GPATCH8: variants seen among roughly 807,000 people sequenced by gnomAD.
GPATCH8 encodes the protein G patch domain-containing protein 8.
In GPATCH8, 18 loss-of-function variants were observed where a neutral mutation model predicts 118.3. The observed-to-expected ratio is 0.15, with a 90% CI of 0.11 to 0.23. The LOEUF (loss-of-function observed/expected upper bound fraction) is 0.23. Among genes scored for constraint, GPATCH8 ranks in the 10% least tolerant of loss-of-function variants. The pLI is 1.00. For synonymous variants in GPATCH8, 659 were observed against 684.7 expected (o/e 0.96, Z 0.59); for missense variants, 1,631 against 1,873.8 (o/e 0.87, Z 2.39).
chr17:44,425,448 T>G (rs905879179), intron 5 of GPATCH8, among the ~76,000 whole-genome samples: 1 of 152,234 alleles, frequency 6.6e-6, no homozygotes, highest in Non-Finnish European at 1.5e-5. Context: ...TTATTAAAAC[T>G]GAAAAGTGAG....
At position 44,397,100 on chromosome 17, in the gene GPATCH8, C is replaced by T; in HGVS notation, c.*468G>A. On this transcript the variant is annotated 3_prime_UTR_variant, in exon 8 of 8. Coordinates refer to ENST00000591680, the MANE Select transcript of GPATCH8 (RefSeq NM_001002909.4). ...TACTACCCCAAAATGGTGGCACTTC[C>T]ACCACTAGAACAGCTTGGCCTTCCC... The T allele has an allele frequency of 2.2e-6, 1 of 454,992 alleles. No homozygotes were observed. Among genetic ancestry groups the T allele is most frequent in the East Asian group, 6.9e-5 (1 of 14,400 alleles). The allele number at this position is 454,992 out of a possible 1,614,324, so 28.2% of individuals were successfully genotyped here.
chr17:44,473,091 T>G (rs1163307717), intron 2 of GPATCH8, among the ~76,000 whole-genome samples: 1 of 152,000 alleles, frequency 6.6e-6, no homozygotes, highest in Non-Finnish European at 1.5e-5. Flanking sequence ...AATTCTGCCT[T>G]GTCATAATCC....
chr17:44,485,329 G>A (rs1451527191), intron 1 of GPATCH8, among the ~76,000 whole-genome samples: 3 of 152,086 alleles, frequency 2.0e-5, no homozygotes, highest in Non-Finnish European at 1.5e-5. Flanking sequence ...TCCCAGCATG[G>A]TTTCAAACCC....
At chr17:44,403,190 C>T (rs751517630) in intron 7 of GPATCH8, among the ~76,000 whole-genome samples, 19 of 152,162 alleles carry the variant, frequency 1.2e-4, no homozygotes, top group Non-Finnish European at 2.6e-4. Flanking sequence ...ATTCTCCTCC[C>T]TCAGCCTCCC....
intron 6 of GPATCH8, among the ~76,000 whole-genome samples, chr17:44,413,675 G>A (rs924550019): frequency 5.9e-5 from 9 of 151,982 alleles, no homozygotes; most frequent in Admixed American, 5.9e-4. Context: ...TCTTTTGCCC[G>A]GAATGCAGTG....
At chr17:44,441,960 G>A (rs1267883111) in intron 3 of GPATCH8, among the ~76,000 whole-genome samples, 6 of 150,948 alleles carry the variant, frequency 4.0e-5, no homozygotes, top group Admixed American at 6.6e-5. Context: ...CCCGGGAGGC[G>A]GAGGTTGCAG....
intron 1 of GPATCH8, chr17:44,486,473 G>GA (rs1968790039): frequency 2.0e-5 from 3 of 152,092 alleles, no homozygotes; most frequent in African/African-American, 7.2e-5. Flanking sequence ...CTCATAGGGA[G>GA]AACTTAAAAA....
rs150575759 is a variant in GPATCH8, at chr17:44,400,148, G to C, written c.1929C>G (p.Asn643Lys). 6.2e-7 allele frequency: 1 copy of C among 1,613,978 alleles called. No individual in the cohort carries two copies. Among genetic ancestry groups the C allele is most frequent in the Non-Finnish European group, 8.5e-7 (1 of 1,179,990 alleles). Residue 643 changes from asparagine (N) to lysine (K), a missense_variant, in exon 8 of 8, where the codon AAC becomes AAG. Around this residue, in one of 8 missense-constraint regions of GPATCH8, gnomAD observed 922 missense variants for 879.7 expected, o/e 1.05. Coordinates refer to ENST00000591680, the MANE Select transcript of GPATCH8 (RefSeq NM_001002909.4). Reference protein sequence around the residue: ...PASGSACSGLNKQEPGGSHGS... With the variant: ...PASGSACSGLKKQEPGGSHGS... ...CATGGCTACCCCCAGGCTCCTGCTT[G>C]TTCAGGCCGCTACAGGCAGACCCTG...
In GPATCH8 at chr17:44,480,653, G is replaced by A. The variant is rs140530414; in HGVS notation, c.46-5750C>T. The stretch of plus-strand genomic sequence containing the variant: ...GAGAATCGCTTGAACCCGGAAGGAG[G>A]AGGTTGCAGTGAGCTGAGATCGCGC... On this transcript the variant is annotated intron_variant, in intron 1 of 7. Coordinates refer to ENST00000591680, the MANE Select transcript of GPATCH8 (RefSeq NM_001002909.4). Among the ~76,000 whole-genome samples the A allele has an allele frequency of 4.8e-3, 732 of 151,286 alleles. 16 individuals carry two copies. Among genetic ancestry groups the A allele is most frequent in the East Asian group, 0.042 (216 of 5,146 alleles).
At chr17:44,467,082 C>G in intron 2 of GPATCH8, 1 of 1,231,402 alleles carries the variant, frequency 8.1e-7, no homozygotes, top group Non-Finnish European at 1.1e-6. Context: ...GGAGTGAAAG[C>G]ATTTCCATAC....
At chr17:44,415,840 T>A (rs2049657573) in intron 6 of GPATCH8, among the ~76,000 whole-genome samples, 1 of 152,192 alleles carries the variant, frequency 6.6e-6, no homozygotes, top group African/African-American at 2.4e-5. Context: ...CAGAATCATT[T>A]TTAGTCAACT....
chr17:44,466,686 C>T (rs2051777644), intron 2 of GPATCH8, among the ~76,000 whole-genome samples: 1 of 152,130 alleles, frequency 6.6e-6, no homozygotes, highest in South Asian at 2.1e-4. Context: ...AAAAGGTAAA[C>T]AGGCCCTTAT....
intron 6 of GPATCH8, among the ~76,000 whole-genome samples, chr17:44,419,473 G>T (rs1161029808): frequency 6.6e-6 from 1 of 152,104 alleles, no homozygotes; most frequent in Non-Finnish European, 1.5e-5. Flanking sequence ...GTCAATTAAA[G>T]ATTCCTTAGA....
chr17:44,444,013 A>AGTTT (rs1186101139), intron 3 of GPATCH8, among the ~76,000 whole-genome samples: 2 of 152,298 alleles, frequency 1.3e-5, no homozygotes, highest in Non-Finnish European at 1.5e-5. Context: ...AAGGCACACA[A>AGTTT]GTTTAATTAT....
chr17:44,427,227 C>T (rs1460403898), intron 5 of GPATCH8, among the ~76,000 whole-genome samples: 2 of 151,938 alleles, frequency 1.3e-5, no homozygotes, highest in Non-Finnish European at 2.9e-5. Context: ...AGGGGCATGC[C>T]ACTATGCCTG....
chr17:44,441,162 T>C (rs1301864315), intron 3 of GPATCH8, among the ~76,000 whole-genome samples: 2 of 152,116 alleles, frequency 1.3e-5, no homozygotes, highest in Non-Finnish European at 2.9e-5. Flanking sequence ...GAAACACTAT[T>C]TTTAAAGAGA....
At chr17:44,473,009 G>A (rs1967421110) in intron 2 of GPATCH8, among the ~76,000 whole-genome samples, 1 of 151,016 alleles carries the variant, frequency 6.6e-6, no homozygotes, top group Non-Finnish European at 1.5e-5. Flanking sequence ...CTCCAGTTTT[G>A]TAAATTGAAA....
At chr17:44,454,270 G>A (rs1303972409) in intron 3 of GPATCH8, among the ~76,000 whole-genome samples, 2 of 152,070 alleles carry the variant, frequency 1.3e-5, no homozygotes, top group African/African-American at 4.8e-5. Context: ...CTCCCAAGTA[G>A]CTAGGAATAT....
chr17:44,468,172 C>T (rs1362040377), intron 2 of GPATCH8, among the ~76,000 whole-genome samples: 2 of 151,660 alleles, frequency 1.3e-5, no homozygotes, highest in Non-Finnish European at 2.9e-5. Flanking sequence ...AGGGTTTCAC[C>T]ACGTTGGCCA....
Sources: allele counts gnomAD v4.1 joint callset (sites outside exome capture counted in the v4.1 genomes callset), GRCh38; gene constraint gnomAD v4.1.1; regional missense constraint gnomAD v4.1.1; transcripts MANE v1.5; gene names NCBI Gene and HGNC (gene_info 2026-07-23, HGNC 2026-07-21).